The following FRY variants were observed in gnomAD, a reference collection of about 807,000 sequenced individuals.
The protein encoded by FRY is FRY microtubule binding protein, also known as protein furry homolog.
In FRY, 128 loss-of-function variants were observed where a neutral mutation model predicts 348.4. The ratio of observed to expected loss-of-function variants is 0.37; its 90% CI spans 0.32 to 0.43. The LOEUF is 0.43. FRY is among the 20% of genes least tolerant of loss of function. FRY has a pLI of 1.00. For synonymous variants in FRY, 1,370 were observed against 1,374.7 expected (o/e 1.00, Z 0.08); for missense variants, 2,736 against 3,695.2 (o/e 0.74, Z 6.73).
rs758023792 is a variant in FRY, at chr13:32,186,446, A to G, written c.3480+26A>G. The G allele has an allele frequency of 2.8e-6, 4 of 1,439,816 alleles. No homozygotes were observed. The African/African-American group carries it at 5.6e-5, about 20-fold the overall frequency. The allele number at this position is 1,439,816 out of a possible 1,614,324, so 89.2% of individuals were successfully genotyped here. Reference sequence around the variant, plus strand: ...GTAGGTGATATTGTACTCACGAATGACTGAGTCAGATGGATGGTCTCTCTC... The same window carrying G: ...GTAGGTGATATTGTACTCACGAATGGCTGAGTCAGATGGATGGTCTCTCTC... On this transcript the variant is annotated intron_variant, in intron 27 of 60. Coordinates refer to ENST00000542859, the MANE Select transcript of FRY (RefSeq NM_023037.3).
chr13:32,083,346 T>C (rs1875623469), intron 2 of FRY, among the ~76,000 whole-genome samples: 1 of 152,206 alleles, frequency 6.6e-6, no homozygotes, highest in African/African-American at 2.4e-5. Context: ...TTTTTAAGAT[T>C]ACAACTTTGC....
At chr13:32,116,650 T>C (rs1878319946) in intron 3 of FRY, among the ~76,000 whole-genome samples, 2 of 152,136 alleles carry the variant, frequency 1.3e-5, no homozygotes, top group Admixed American at 1.3e-4. Context: ...CATAGAGTAA[T>C]GAGATATGGA....
At chr13:32,294,071 A>G (rs905354350) in intron 59 of FRY, among the ~76,000 whole-genome samples, 1 of 152,052 alleles carries the variant, frequency 6.6e-6, no homozygotes, top group African/African-American at 2.4e-5. Context: ...GATCTCTTGT[A>G]CTCTTTCCTT....
intron 11 of FRY, among the ~76,000 whole-genome samples, chr13:32,140,084 T>TAA (rs145494759): frequency 2.8e-5 from 4 of 143,686 alleles, no homozygotes; most frequent in East Asian, 4.0e-4. Context: ...CCCAGATTAT[T>TAA]AAAAAAAAAA....
chr13:32,209,565 C>T lies in FRY; in HGVS notation c.4276-20C>T, dbSNP rs758500262. ...TACAGTTTTCACACATCTCTTGGGC[C>T]GGTTTTTATTTTGTTATAGTATGGA... On this transcript the variant is annotated intron_variant, in intron 32 of 60. Coordinates refer to ENST00000542859, the MANE Select transcript of FRY (RefSeq NM_023037.3). The T allele has an allele frequency of 1.1e-5, 17 of 1,613,126 alleles. No individual in the cohort carries two copies. Among genetic ancestry groups the T allele is most frequent in the African/African-American group, 4.0e-5 (3 of 74,856 alleles).
At chr13:32,136,774 C>T (rs1879749555) in intron 10 of FRY, 97 bp from the exon 11 acceptor site, 1 of 818,946 alleles carries the variant, frequency 1.2e-6, no homozygotes, top group Non-Finnish European at 2.2e-6. Flanking sequence ...CCACAGGGCC[C>T]CCGAGGGAGA....
chr13:32,090,451 G>GA (rs889703540), intron 2 of FRY, among the ~76,000 whole-genome samples: 4 of 151,886 alleles, frequency 2.6e-5, no homozygotes, highest in African/African-American at 7.3e-5. Context: ...ATAGCTGAGA[G>GA]AAAGACCGAA....
Position 32,236,134 on chromosome 13 carries a change from C to T in FRY, c.5772C>T (p.Asp1924=). The change falls in exon 43 of 61, where the codon GAC becomes GAT. Residue 1924 remains aspartate (D), a synonymous_variant. Transcript: ENST00000542859. ...AGGCGGCTGTGGATAACTTGTCTGACTGCTTGAAGAACAGTGACCTCCTAA... is the reference window on the plus strand; with the variant it reads ...AGGCGGCTGTGGATAACTTGTCTGATTGCTTGAAGAACAGTGACCTCCTAA... ...TLEAAVDNLS[D]CLKNSDLLTV... The T allele has an allele frequency of 6.2e-7, 1 of 1,613,952 alleles. No homozygotes were observed. Among genetic ancestry groups the T allele is most frequent in the South Asian group, 1.1e-5 (1 of 91,078 alleles).
chr13:32,261,708 A>G lies in FRY; in HGVS notation c.7509A>G (p.Gln2503=). ...ATATGCAGATTCTGGAGGAGCGCCA[A>G]CTGTCAGGAAGCACTCCTAGCCTGA... The part of the protein sequence containing the change: ...KCDMQILEER[Q]LSGSTPSLNK... The change falls in exon 52 of 61, where the codon CAA becomes CAG. Residue 2503 remains glutamine, a synonymous_variant. Coordinates refer to ENST00000542859, the MANE Select transcript of FRY (RefSeq NM_023037.3). The G allele has an allele frequency of 1.2e-6, 2 of 1,614,044 alleles. No homozygotes were observed. Among genetic ancestry groups the G allele is most frequent in the Non-Finnish European group, 1.7e-6 (2 of 1,179,884 alleles).
Position 32,062,793 on chromosome 13 carries a change from A to T in FRY, c.71-16041A>T, listed in dbSNP as rs566299712. 3.3e-5 allele frequency among the ~76,000 whole-genome samples: 5 copies of T among 152,226 alleles called. No individual in the cohort carries two copies. The South Asian group carries it at 1.0e-3, about 32-fold the overall frequency. ...AAATGTTTATTGAGCTTCTGTTGTA[A>T]ACACTGTACTAGAAGCCCTTTGCTT... On this transcript the variant is annotated intron_variant, in intron 1 of 60. Coordinates refer to ENST00000542859, the MANE Select transcript of FRY (RefSeq NM_023037.3).
intron 55 of FRY, 148 bp downstream of exon 55, chr13:32,267,507 A>T: frequency 1.4e-6 from 1 of 708,720 alleles, no homozygotes; most frequent in Non-Finnish European, 2.5e-6. Context: ...TGACTTTGAA[A>T]TTTCTTCTAT....
chr13:32,210,822 C>T (rs777514214), intron 33 of FRY, 44 bp from the exon 34 acceptor site: 3 of 1,548,224 alleles, frequency 1.9e-6, no homozygotes, highest in Non-Finnish European at 2.7e-6. Context: ...TTCCTGTGGA[C>T]TAGGCTCTGT....
chr13:32,051,846 A>G (rs1165601731), intron 1 of FRY, among the ~76,000 whole-genome samples: 1 of 152,234 alleles, frequency 6.6e-6, no homozygotes, highest in Non-Finnish European at 1.5e-5. Flanking sequence ...TGAAGATGTC[A>G]GTATAGGAGC....
At chr13:32,199,215 G>C (rs1029341713) in intron 29 of FRY, among the ~76,000 whole-genome samples, 1 of 152,174 alleles carries the variant, frequency 6.6e-6, no homozygotes, top group African/African-American at 2.4e-5. Flanking sequence ...CAAACCTCTG[G>C]CTGAAGGCAG....
intron 28 of FRY, among the ~76,000 whole-genome samples, chr13:32,188,592 C>T (rs1001680056): frequency 2.0e-5 from 3 of 152,126 alleles, no homozygotes; most frequent in Non-Finnish European, 4.4e-5. Flanking sequence ...TGTCATTGCT[C>T]TTTAGCCTTC....
chr13:32,135,136 C>T lies in FRY; in HGVS notation c.1030C>T (p.Leu344=). Residue 344 remains leucine (L), a synonymous_variant, in exon 10 of 61, where the codon CTG becomes TTG. Transcript: ENST00000542859. ...CTGCCTTAGAAATTTTGTGGAAAGC[C>T]TGTATGACACCACGCTGGAACTTTC... is the stretch of plus-strand genomic sequence containing the variant. ...VPCLRNFVES[L]YDTTLELSSR... The T allele has an allele frequency of 6.2e-7, 1 of 1,613,112 alleles. No homozygotes were observed. The highest frequency in any genetic ancestry group is 8.5e-7 in the Non-Finnish European group (1 of 1,179,146).
chr13:32,294,266 C>T, intron 59 of FRY, 102 bp from the exon 60 acceptor site: 1 of 782,536 alleles, frequency 1.3e-6, no homozygotes, highest in Non-Finnish European at 2.2e-6. Context: ...AGGTATTAAG[C>T]TTATGCTTAA....
At chr13:32,262,821 T>G (rs1887731932) in intron 53 of FRY, among the ~76,000 whole-genome samples, 1 of 152,206 alleles carries the variant, frequency 6.6e-6, no homozygotes, top group Non-Finnish European at 1.5e-5. Flanking sequence ...ATGAATTTTA[T>G]AAAACAATAT....
At chr13:32,090,451 G>C (rs1183664820) in intron 2 of FRY, among the ~76,000 whole-genome samples, 1 of 151,884 alleles carries the variant, frequency 6.6e-6, no homozygotes, top group Non-Finnish European at 1.5e-5. Context: ...ATAGCTGAGA[G>C]AAAGACCGAA....
Sources: gnomAD v4.1 joint callset for allele counts (sites outside exome capture counted in the v4.1 genomes callset) on GRCh38, gnomAD v4.1.1 for gene constraint, MANE v1.5 for transcripts, NCBI Gene and HGNC (gene_info 2026-07-23, HGNC 2026-07-21) for gene names.